RABGAP1L: variants seen among roughly 807,000 people sequenced by gnomAD.
RABGAP1L encodes RAB GTPase activating protein 1 like.
Under a neutral mutation model 137.7 loss-of-function variants are expected in RABGAP1L, and 63 were observed. The ratio of observed to expected loss-of-function variants is 0.46; its 90% CI spans 0.37 to 0.56. RABGAP1L has a LOEUF of 0.56. Among genes scored for constraint, RABGAP1L ranks in the 20% least tolerant of loss-of-function variants. The probability of loss-of-function intolerance (pLI) is 0.00; values close to 1 mark genes in which losing one functional copy is unlikely to be tolerated. For missense variants in RABGAP1L, 1,095 were observed against 1,244.0 expected (o/e 0.88, Z 1.80); for synonymous variants, 431 against 433.7 (o/e 0.99, Z 0.08).
At chr1:174,639,019 T>A (rs1427985108) in intron 14 of RABGAP1L, among the ~76,000 whole-genome samples, 2 of 149,184 alleles carry the variant, frequency 1.3e-5, no homozygotes, top group Admixed American at 1.3e-4. Context: ...ACATGTACCC[T>A]AAAACTTAAA....
intron 18 of RABGAP1L, among the ~76,000 whole-genome samples, chr1:174,771,341 G>A (rs1686095772): frequency 6.6e-6 from 1 of 152,106 alleles, no homozygotes; most frequent in South Asian, 2.1e-4. Context: ...TGCTATAGGT[G>A]TGTGTATATG....
intron 1 of RABGAP1L, among the ~76,000 whole-genome samples, chr1:174,218,568 G>A (rs963078103): frequency 6.6e-6 from 1 of 152,124 alleles, no homozygotes; most frequent in African/African-American, 2.4e-5. Flanking sequence ...GTGTTAATAA[G>A]TGATAATGTG....
In RABGAP1L at chr1:174,213,156, G is replaced by A. The variant is rs535087949; in HGVS notation, c.-33-5969G>A. Among the ~76,000 whole-genome samples the A allele has an allele frequency of 5.3e-5, 8 of 152,330 alleles. No individual in the cohort carries two copies. In the South Asian group the frequency reaches 1.7e-3, roughly 32 times the overall value. On this transcript the variant is annotated intron_variant, in intron 1 of 25. Transcript: ENST00000681986. ...TCAAACTATTCCAGCTGGGCATGGT[G>A]GCTCATGCCTGTAATCCCAGCACTT...
intron 13 of RABGAP1L, among the ~76,000 whole-genome samples, chr1:174,636,725 C>T (rs1674074756): frequency 6.6e-6 from 1 of 152,014 alleles, no homozygotes; most frequent in South Asian, 2.1e-4. Context: ...GAAATACATA[C>T]TCTACTATTG....
At chr1:174,263,884 G>A (rs1045112527) in intron 7 of RABGAP1L, among the ~76,000 whole-genome samples, 2 of 151,376 alleles carry the variant, frequency 1.3e-5, no homozygotes, top group African/African-American at 2.4e-5. Flanking sequence ...GGGGGCCGGG[G>A]GATGTTTACA....
chr1:174,386,246 G>C (rs1230671291), intron 12 of RABGAP1L, among the ~76,000 whole-genome samples: 1 of 152,156 alleles, frequency 6.6e-6, no homozygotes, highest in Non-Finnish European at 1.5e-5. Flanking sequence ...TTTAATTGTT[G>C]CAGCAGCTCT....
chr1:174,785,724 A>T (rs906192591), intron 18 of RABGAP1L, among the ~76,000 whole-genome samples: 1 of 152,214 alleles, frequency 6.6e-6, no homozygotes, highest in Non-Finnish European at 1.5e-5. Flanking sequence ...GCTCACTCTC[A>T]TGTCTATAAC....
intron 19 of RABGAP1L, among the ~76,000 whole-genome samples, chr1:174,930,873 AATTAATATTCTAAT>A (rs1248951201): frequency 1.3e-5 from 2 of 152,208 alleles, no homozygotes; most frequent in Non-Finnish European, 2.9e-5. Flanking sequence ...GACCCACTGA[AATTAATATTCTAAT>A]AGTGGGTGCA....
At chr1:174,968,010 G>A (rs1297102303) in intron 20 of RABGAP1L, among the ~76,000 whole-genome samples, 2 of 151,012 alleles carry the variant, frequency 1.3e-5, no homozygotes, top group Non-Finnish European at 2.9e-5. Flanking sequence ...TTCTCTGACA[G>A]CCTTCCCTGT....
chr1:174,547,958 T>C (rs1159310642), intron 13 of RABGAP1L: 14 of 1,550,454 alleles, frequency 9.0e-6, no homozygotes, highest in Non-Finnish European at 1.2e-5. Context: ...CTTGATGTTC[T>C]GATTACTTAT....
chr1:174,566,488 A>G (rs1667596531), intron 13 of RABGAP1L, among the ~76,000 whole-genome samples: 1 of 152,162 alleles, frequency 6.6e-6, no homozygotes, highest in Non-Finnish European at 1.5e-5. Context: ...TGCATAATCC[A>G]GCAACTTATG....
At chr1:174,520,796 A>C (rs1663292730) in intron 13 of RABGAP1L, among the ~76,000 whole-genome samples, 2 of 152,074 alleles carry the variant, frequency 1.3e-5, no homozygotes. Context: ...AGGTCAGGAG[A>C]TTGAGACCAG....
At chr1:174,951,767 G>A (rs1667743040) in intron 19 of RABGAP1L, among the ~76,000 whole-genome samples, 1 of 152,162 alleles carries the variant, frequency 6.6e-6, no homozygotes. Context: ...AATCATAAAT[G>A]GGCCCAGGGA....
intron 14 of RABGAP1L, among the ~76,000 whole-genome samples, chr1:174,647,825 C>A (rs569736934): frequency 2.6e-5 from 4 of 152,178 alleles, no homozygotes; most frequent in African/African-American, 9.6e-5. Flanking sequence ...AACTGTGACT[C>A]CATCTGGTCC....
At chr1:174,445,180 A>C (rs188933132) in intron 13 of RABGAP1L, among the ~76,000 whole-genome samples, 5 of 152,254 alleles carry the variant, frequency 3.3e-5, no homozygotes, top group African/African-American at 9.6e-5. Context: ...TTTAATTCTG[A>C]CATAATTTGT....
chr1:174,448,090 G>T lies in RABGAP1L; in HGVS notation c.1710+53945G>T. 2.5e-6 allele frequency: 4 copies of T among 1,594,802 alleles called. No individual in the cohort carries two copies. Among genetic ancestry groups the T allele is most frequent in the Non-Finnish European group, 2.6e-6 (3 of 1,169,300 alleles). On this transcript the variant is annotated intron_variant, in intron 13 of 25. Transcript: ENST00000681986. The surrounding 1 kb of genome is among the most constrained non-coding windows in gnomAD (Gnocchi z 4.2). ...TCTGCTTGCTGTAGCCAAGTCTGCA[G>T]GTGTCTTTAAATTTCCAAGCCATGA...
chr1:174,925,606 C>G (rs1484722133), intron 19 of RABGAP1L, among the ~76,000 whole-genome samples: 1 of 151,736 alleles, frequency 6.6e-6, no homozygotes, highest in African/African-American at 2.4e-5. Flanking sequence ...TGCTTTTGGT[C>G]TTGATTTCTT....
chr1:174,900,125 C>A (rs533933071), intron 19 of RABGAP1L, among the ~76,000 whole-genome samples: 2 of 152,322 alleles, frequency 1.3e-5, no homozygotes, highest in Admixed American at 6.5e-5. Flanking sequence ...CATAGGTATT[C>A]TAGTAAATTA....
At chr1:174,877,485 A>G in intron 19 of RABGAP1L, 1 of 1,614,136 alleles carries the variant, frequency 6.2e-7, no homozygotes. Flanking sequence ...TGGAAAGGCC[A>G]GCTGGCAAGA....
Sources: allele counts gnomAD v4.1 joint callset (sites outside exome capture counted in the v4.1 genomes callset), GRCh38; gene constraint gnomAD v4.1.1; non-coding constraint Gnocchi (gnomAD v3.1); transcripts MANE v1.5; gene names NCBI Gene and HGNC (gene_info 2026-07-23, HGNC 2026-07-21).